PITPNB: variants seen among roughly 807,000 people sequenced by gnomAD.
PITPNB encodes phosphatidylinositol transfer protein beta isoform.
Under a neutral mutation model 45.9 loss-of-function variants are expected in PITPNB, and 16 were observed. The observed-to-expected ratio is 0.35, with a 90% confidence interval of 0.24 to 0.53. PITPNB has a LOEUF of 0.53. PITPNB is among the 20% of genes least tolerant of loss of function. PITPNB has a pLI of 0.93. For synonymous variants in PITPNB, 112 were observed against 108.9 expected, an observed-to-expected ratio of 1.03 and a Z score of -0.18; for missense variants, 188 against 330.5, an observed-to-expected ratio of 0.57 and a Z score of 3.34.
intron 3 of PITPNB, among the ~76,000 whole-genome samples, chr22:27,903,239 G>A (rs1935652410): frequency 6.6e-6 from 1 of 152,040 alleles, no homozygotes. Flanking sequence ...GGAGGCCGAG[G>A]AGGGTAGATC....
chr22:27,886,394 A>G (rs1365050209), intron 7 of PITPNB, among the ~76,000 whole-genome samples: 1 of 152,240 alleles, frequency 6.6e-6, no homozygotes, highest in Non-Finnish European at 1.5e-5. Context: ...TGATTTTTGT[A>G]GCAAACTACT....
chr22:27,912,056 A>T (rs551392177), intron 2 of PITPNB, among the ~76,000 whole-genome samples: 1 of 152,204 alleles, frequency 6.6e-6, no homozygotes, highest in African/African-American at 2.4e-5. Context: ...CTTCTAATGA[A>T]AACAGCTTGA....
intron 8 of PITPNB, among the ~76,000 whole-genome samples, chr22:27,869,558 G>A (rs1018577539): frequency 1.1e-4 from 17 of 151,974 alleles, no homozygotes; most frequent in African/African-American, 2.7e-4. Flanking sequence ...ACGTGAACCC[G>A]GATGTGTTTA....
Position 27,854,836 on chromosome 22 carries a change from A to C in PITPNB, c.*38+18T>G. ...GGTACAGGTTTCGAAACATCTTTTT[A>C]CCCAGGTCTTCACTTACACAGTTTG... On this transcript the variant is annotated intron_variant, in intron 11 of 11. Transcript: ENST00000335272. 6.5e-7 allele frequency: 1 copy of C among 1,531,098 alleles called. No homozygotes were observed. Among genetic ancestry groups the C allele is most frequent in the South Asian group, 1.1e-5 (1 of 87,886 alleles). The allele number at this position is 1,531,098 out of a possible 1,614,324, so 94.8% of individuals were successfully genotyped here.
At chr22:27,862,063 C>T (rs62235631) in intron 8 of PITPNB, among the ~76,000 whole-genome samples, 1 of 152,162 alleles carries the variant, frequency 6.6e-6, no homozygotes, top group Non-Finnish European at 1.5e-5. Flanking sequence ...CCTGTCTTCA[C>T]ACGGTGGTGC....
In PITPNB at chr22:27,860,261, A is replaced by G. The variant is rs1934286508; in HGVS notation, c.535-20T>C. ...CTCCTTCTAGATGAGAAAAATTGAA[A>G]AGGAGAAATTATGACTTAAATATTT... On this transcript the variant is annotated intron_variant, in intron 8 of 11. Transcript: ENST00000335272. The G allele has an allele frequency of 2.1e-6, 3 of 1,437,346 alleles. No homozygotes were observed. The highest frequency in any genetic ancestry group is 1.9e-6 in the Non-Finnish European group (2 of 1,028,542). 89.0% of individuals were successfully genotyped at this position (1,437,346 alleles called of 1,614,324 possible).
intron 4 of PITPNB, 93 bp from the exon 5 acceptor site, chr22:27,897,230 A>G (rs1216461689): frequency 2.3e-6 from 2 of 852,976 alleles, no homozygotes; most frequent in African/African-American, 1.7e-5. Context: ...TTAATGTCAC[A>G]AAGACTAAAC....
intron 10 of PITPNB, among the ~76,000 whole-genome samples, chr22:27,856,752 C>A (rs1207486344): frequency 6.6e-6 from 1 of 152,190 alleles, no homozygotes; most frequent in Non-Finnish European, 1.5e-5. Flanking sequence ...GTGTCTCTTG[C>A]TGCTTCTGTT....
At chr22:27,916,754 G>T (rs945311115) in intron 1 of PITPNB, among the ~76,000 whole-genome samples, 3 of 151,784 alleles carry the variant, frequency 2.0e-5, no homozygotes, top group Non-Finnish European at 4.4e-5. Context: ...AGTGAGCAGA[G>T]ATCATGCCAC....
Position 27,910,616 on chromosome 22 carries a change from A to C in PITPNB, c.197+348T>G, listed in dbSNP as rs951661884. ...ATGGTCCATTTGTTGTAGAAAACTA[A>C]AATTGATACAAGTAATACATCGCTA... On this transcript the variant is annotated intron_variant, in intron 3 of 11. Coordinates refer to ENST00000335272, the MANE Select transcript of PITPNB (RefSeq NM_012399.5). 9.5e-5 allele frequency: 17 copies of C among 178,246 alleles called. No homozygotes were observed. In the South Asian group the frequency reaches 2.4e-3, roughly 25 times the overall value. 11.0% of individuals were successfully genotyped at this position (178,246 alleles called of 1,614,324 possible).
At chr22:27,866,934 T>TA (rs2146357552) in intron 8 of PITPNB, among the ~76,000 whole-genome samples, 1 of 152,294 alleles carries the variant, frequency 6.6e-6, no homozygotes, top group African/African-American at 2.4e-5. Flanking sequence ...ATGTGACGTC[T>TA]ATGTACTGAA....
At chr22:27,886,318 G>A (rs932023495) in intron 7 of PITPNB, among the ~76,000 whole-genome samples, 3 of 151,956 alleles carry the variant, frequency 2.0e-5, no homozygotes, top group Non-Finnish European at 4.4e-5. Context: ...TAAAGCAATA[G>A]TCATATACAG....
chr22:27,915,581 T>A (rs576716242), intron 1 of PITPNB, among the ~76,000 whole-genome samples: 1 of 152,156 alleles, frequency 6.6e-6, no homozygotes, highest in African/African-American at 2.4e-5. Flanking sequence ...TCCCTCCCCT[T>A]TGACTACTGA....
intron 8 of PITPNB, among the ~76,000 whole-genome samples, chr22:27,864,585 C>T (rs1339603656): frequency 6.6e-6 from 1 of 152,130 alleles, no homozygotes; most frequent in African/African-American, 2.4e-5. Context: ...CTACAGGAGA[C>T]AGGTGAAATA....
At chr22:27,880,038 C>T (rs1023838860) in intron 7 of PITPNB, among the ~76,000 whole-genome samples, 1 of 152,142 alleles carries the variant, frequency 6.6e-6, no homozygotes, top group African/African-American at 2.4e-5. Context: ...CATTTTGAAG[C>T]ACACACTTAT....
intron 1 of PITPNB, among the ~76,000 whole-genome samples, chr22:27,918,718 G>C (rs1263001405): frequency 6.6e-6 from 1 of 152,088 alleles, no homozygotes; most frequent in Non-Finnish European, 1.5e-5. Flanking sequence ...GCCTTCAACC[G>C]GCAAGCCCAT....
At chr22:27,881,684 G>A (rs1934976968) in intron 7 of PITPNB, among the ~76,000 whole-genome samples, 1 of 152,228 alleles carries the variant, frequency 6.6e-6, no homozygotes, top group South Asian at 2.1e-4. Context: ...GCCCTTCTTA[G>A]GAAATAAGCA....
At position 27,909,954 on chromosome 22, in the gene PITPNB, T is replaced by C. The variant is rs907182142; in HGVS notation, c.197+1010A>G. ...ACCACCATGCCCCACTAATTTCTTTTTTTTTTTTTTTTTTTGAGACGGAGT... is the reference window on the plus strand; with the variant it reads ...ACCACCATGCCCCACTAATTTCTTTCTTTTTTTTTTTTTTTGAGACGGAGT... On this transcript the variant is annotated intron_variant, in intron 3 of 11. Coordinates refer to ENST00000335272, the MANE Select transcript of PITPNB (RefSeq NM_012399.5). Among the ~76,000 whole-genome samples the C allele has an allele frequency of 4.0e-5, 6 of 149,498 alleles. No homozygotes were observed. The East Asian group carries it at 5.8e-4, about 15-fold the overall frequency.
chr22:27,870,010 A>G (rs1934604968), intron 8 of PITPNB, among the ~76,000 whole-genome samples: 1 of 152,198 alleles, frequency 6.6e-6, no homozygotes, highest in Admixed American at 6.5e-5. Context: ...AGGGCATCAC[A>G]CAATTGCCAA....
Sources: gnomAD v4.1 joint callset for allele counts (sites outside exome capture counted in the v4.1 genomes callset) on GRCh38, gnomAD v4.1.1 for gene constraint, MANE v1.5 for transcripts, NCBI Gene and HGNC (gene_info 2026-07-23, HGNC 2026-07-21) for gene names.